Variants in ADCY3 observed in about 807,000 individuals in gnomAD.
ADCY3 encodes adenylate cyclase 3.
Under a neutral mutation model 119.4 loss-of-function variants are expected in ADCY3, and 70 were observed. The observed-to-expected ratio is 0.59, with a 90% CI of 0.48 to 0.72. The LOEUF (loss-of-function observed/expected upper bound fraction) is 0.72. Among genes scored for constraint, ADCY3 ranks in the 30% least tolerant of loss-of-function variants. ADCY3 has a pLI of 0.00. For synonymous variants in ADCY3, 672 were observed against 621.4 expected (o/e 1.08, Z -1.21); for missense variants, 1,238 against 1,541.6 (o/e 0.80, Z 3.30).
chr2:24,907,227 C>T lies in ADCY3; in HGVS notation c.675+11086G>A, dbSNP rs372764940. 1.8e-4 allele frequency among the ~76,000 whole-genome samples: 27 copies of T among 152,244 alleles called. No individual in the cohort carries two copies. In the East Asian group the frequency reaches 2.1e-3, roughly 12 times the overall value. On this transcript the variant is annotated intron_variant, in intron 2 of 21. Transcript: ENST00000679454. ...CCCCAAGGGCAGTCCAGGAGCCCACCGAGAGCTGGATAGGCAGCTGTCGCA... is the reference window on the plus strand; with the variant it reads ...CCCCAAGGGCAGTCCAGGAGCCCACTGAGAGCTGGATAGGCAGCTGTCGCA...
intron 3 of ADCY3, among the ~76,000 whole-genome samples, chr2:24,860,559 GGTTAAAGCA>G (rs1159595103): frequency 6.6e-6 from 1 of 152,312 alleles, no homozygotes; most frequent in South Asian, 2.1e-4. Flanking sequence ...GAGCCAGGGA[GGTTAAAGCA>G]GCAAAGCCAC....
At position 24,841,411 on chromosome 2, in the gene ADCY3, G is replaced by A; in HGVS notation, c.1069-25C>T. On this transcript the variant is annotated intron_variant, in intron 5 of 21. Transcript: ENST00000679454. This position sits in a 1 kb window ranked among gnomAD's most constrained non-coding sequence, Gnocchi z 5.8. ...TCTGAAAGGGGAGGGCCTGGCCTGT[G>A]CTCCAGCCCCTCCTCAGTGAGGGAG... 1.2e-6 allele frequency: 2 copies of A among 1,608,982 alleles called. No individual in the cohort carries two copies. The highest frequency in any genetic ancestry group is 1.7e-6 in the Non-Finnish European group (2 of 1,177,614).
chr2:24,901,013 C>T (rs773645501), intron 2 of ADCY3, among the ~76,000 whole-genome samples: 51 of 152,118 alleles, frequency 3.4e-4, no homozygotes, highest in Non-Finnish European at 5.7e-4. Context: ...TGCAGTGAGC[C>T]GAGATCATGC....
intron 2 of ADCY3, among the ~76,000 whole-genome samples, chr2:24,888,637 C>T (rs60870830): frequency 6.6e-6 from 1 of 152,198 alleles, no homozygotes; most frequent in Admixed American, 6.5e-5. Context: ...CCTCTGCAAC[C>T]TTCTCACATG....
At chr2:24,900,411 C>A (rs1678770950) in intron 2 of ADCY3, among the ~76,000 whole-genome samples, 1 of 151,624 alleles carries the variant, frequency 6.6e-6, no homozygotes, top group Non-Finnish European at 1.5e-5. Context: ...ATAGCTCTAT[C>A]ATTAAGGCCT....
intron 3 of ADCY3, among the ~76,000 whole-genome samples, chr2:24,863,930 C>T (rs1673983808): frequency 6.6e-6 from 1 of 152,164 alleles, no homozygotes; most frequent in Non-Finnish European, 1.5e-5. Context: ...TCTAGATAAA[C>T]AAGGAAAACT....
intron 15 of ADCY3, chr2:24,826,455 A>T (rs112902258): frequency 4.1e-6 from 1 of 245,012 alleles, no homozygotes; most frequent in Non-Finnish European, 7.8e-6. Context: ...TGGAGAAGCA[A>T]GAGACATCAG....
intron 2 of ADCY3, among the ~76,000 whole-genome samples, chr2:24,887,055 C>T (rs1677108890): frequency 6.6e-6 from 1 of 152,162 alleles, no homozygotes; most frequent in Non-Finnish European, 1.5e-5. Context: ...TGCCTGTGAC[C>T]GGGCAATTTA....
At chr2:24,905,544 G>T (rs1323970232) in intron 2 of ADCY3, among the ~76,000 whole-genome samples, 1 of 152,176 alleles carries the variant, frequency 6.6e-6, no homozygotes, top group Non-Finnish European at 1.5e-5. Flanking sequence ...ACAATGATAG[G>T]GTGGATAGGG....
chr2:24,862,632 G>A (rs1673814479), intron 3 of ADCY3, among the ~76,000 whole-genome samples: 1 of 151,980 alleles, frequency 6.6e-6, no homozygotes, highest in South Asian at 2.1e-4. Context: ...GGAAGATGTT[G>A]CGGAACTAGC....
At chr2:24,820,294 G>A in intron 21 of ADCY3, 180 bp from the exon 22 acceptor site, 1 of 1,287,786 alleles carries the variant, frequency 7.8e-7, no homozygotes, top group Non-Finnish European at 1.0e-6. Flanking sequence ...GTGGGAAGGA[G>A]AACCCTGGAG....
rs1039475935 is a variant in ADCY3 at position 24,834,051 on chromosome 2, C to T, written c.1967+434G>A. On this transcript the variant is annotated intron_variant, in intron 11 of 21. Coordinates refer to ENST00000679454, the MANE Select transcript of ADCY3 (RefSeq NM_004036.5). The surrounding 1 kb of genome is among the most constrained non-coding windows in gnomAD (Gnocchi z 4.2). Reference sequence around the variant, plus strand: ...CCTTGCCCTGGAGGACCTACTGCTGCGTTAGAGAGGGCGTCAGTCTGTGCC... The same window carrying T: ...CCTTGCCCTGGAGGACCTACTGCTGTGTTAGAGAGGGCGTCAGTCTGTGCC... Among the ~76,000 whole-genome samples the T allele has an allele frequency of 6.6e-6, 1 of 152,218 alleles. No homozygotes were observed. The highest frequency in any genetic ancestry group is 1.5e-5 in the Non-Finnish European group (1 of 68,040).
At chr2:24,866,410 A>G (rs1674300527) in intron 3 of ADCY3, among the ~76,000 whole-genome samples, 2 of 151,954 alleles carry the variant, frequency 1.3e-5, no homozygotes, top group South Asian at 4.2e-4. Flanking sequence ...CCATCTCTAC[A>G]AAAAACCATT....
At chr2:24,830,970 C>A (rs1669409981) in intron 12 of ADCY3, 145 bp from the exon 13 acceptor site, 2 of 654,022 alleles carry the variant, frequency 3.1e-6, no homozygotes, top group Non-Finnish European at 2.7e-6. Flanking sequence ...GACAGCTGAC[C>A]AAGGGGCAGA....
rs1214653265 is a variant in ADCY3, at chr2:24,878,197, A to T, written c.676-5478T>A. ...CCCAAATGGATAAACACTTGGACTA[A>T]AGTGTCATCTAACCCATGACAGCCT... On this transcript the variant is annotated intron_variant, in intron 2 of 21. Transcript: ENST00000679454. This position sits in a 1 kb window ranked among gnomAD's most constrained non-coding sequence, Gnocchi z 4.0. Among the ~76,000 whole-genome samples, 1 of 152,236 alleles carries T rather than the reference A, an allele frequency of 6.6e-6. No individual in the cohort carries two copies. The highest frequency in any genetic ancestry group is 1.5e-5 in the Non-Finnish European group (1 of 68,042).
intron 6 of ADCY3, among the ~76,000 whole-genome samples, chr2:24,840,902 A>G (rs1260112908): frequency 6.6e-6 from 1 of 152,188 alleles, no homozygotes; most frequent in East Asian, 1.9e-4. Context: ...CACGGTGAGA[A>G]AACACTGAGG....
chr2:24,828,959 C>T (rs546960067), intron 13 of ADCY3, among the ~76,000 whole-genome samples: 1 of 152,264 alleles, frequency 6.6e-6, no homozygotes, highest in African/African-American at 2.4e-5. Flanking sequence ...ACCAGCAACC[C>T]CTGGCCAAGG....
intron 11 of ADCY3, among the ~76,000 whole-genome samples, chr2:24,833,087 G>C (rs944019451): frequency 6.6e-6 from 1 of 152,204 alleles, no homozygotes; most frequent in Non-Finnish European, 1.5e-5. Flanking sequence ...ACAGTGGCTT[G>C]TCTGGGCCGC....
Position 24,824,508 on chromosome 2 carries a change from A to G in ADCY3, c.2606T>C (p.Leu869Ser), listed in dbSNP as rs758597196. The G allele has an allele frequency of 2.0e-5, 32 of 1,614,226 alleles. No individual in the cohort carries two copies. In the East Asian group the frequency reaches 6.7e-4, roughly 34 times the overall value. ...HVEKLARTLFLWKIEVHDQKE... is the reference protein window; with the variant it reads ...HVEKLARTLFSWKIEVHDQKE... The stretch of plus-strand genomic sequence containing the variant: ...CTGGTCGTGGACCTCAATCTTCCAC[A>G]AGAAAAGTGTCCGTGCCAGTTTTTC... Residue 869 changes from leucine to serine, a missense_variant, in exon 17 of 22, where the codon TTG becomes TCG. Physicochemically the swap from Leu to Ser is moderately radical, Grantham distance 145 (BLOSUM62 -2). Transcript: ENST00000679454.
Sources: gnomAD v4.1 joint callset for allele counts (sites outside exome capture counted in the v4.1 genomes callset) on GRCh38, gnomAD v4.1.1 for gene constraint, Gnocchi (gnomAD v3.1) non-coding constraint, MANE v1.5 for transcripts, NCBI Gene and HGNC (gene_info 2026-07-23, HGNC 2026-07-21) for gene names.